Variants in DYSF observed in about 807,000 individuals in gnomAD.
DYSF encodes the protein dysferlin.
In DYSF, 212 loss-of-function variants were observed where a neutral mutation model predicts 274.9. The observed-to-expected ratio is 0.77, with a 90% confidence interval of 0.69 to 0.86. The LOEUF (loss-of-function observed/expected upper bound fraction) is 0.86. Among genes scored for constraint, DYSF ranks in the 40% least tolerant of loss-of-function variants. DYSF has a pLI of 0.00. For missense variants in DYSF, 2,666 were observed against 2,783.2 expected, an observed-to-expected ratio of 0.96 and a Z score of 0.95; for synonymous variants, 1,091 against 1,078.7, an observed-to-expected ratio of 1.01 and a Z score of -0.22.
intron 17 of DYSF, among the ~76,000 whole-genome samples, chr2:71,550,382 G>A (rs2090845518): frequency 1.3e-5 from 2 of 151,772 alleles, no homozygotes; most frequent in African/African-American, 4.9e-5. Context: ...CCTCTGACCT[G>A]CTCTGTTAAA....
At chr2:71,519,811 G>GTTTTTTT (rs70959241) in intron 10 of DYSF, among the ~76,000 whole-genome samples, 148 of 102,296 alleles carry the variant, frequency 1.4e-3, no homozygotes, top group Middle Eastern at 6.4e-3. Context: ...CACCCGGCTA[G>GTTTTTTT]TTTTTTTTTT....
At position 71,660,426 on chromosome 2, in the gene DYSF, C is replaced by A. The variant is rs540102399; in HGVS notation, c.4912-134C>A. The A allele has an allele frequency of 5.5e-5, 42 of 766,412 alleles. No individual in the cohort carries two copies. The African/African-American group carries it at 6.5e-4, about 12-fold the overall frequency. 47.5% of individuals were successfully genotyped at this position (766,412 alleles called of 1,614,324 possible). On this transcript the variant is annotated intron_variant, in intron 44 of 55. Transcript: ENST00000410020. ...TGTGGTGTGTGGGAGGGGGCCCTGT[C>A]TTGGCAGGACACAGCCCACATCTCA...
chr2:71,453,989 C>A (rs939132018), exon 1 of DYSF: 6 of 1,613,976 alleles, frequency 3.7e-6, no homozygotes, highest in Non-Finnish European at 5.1e-6. Context: ...GGGCCCTACA[C>A]GCGCCAAGCA....
chr2:71,559,208 C>A (rs1237669115), intron 22 of DYSF, among the ~76,000 whole-genome samples: 1 of 152,174 alleles, frequency 6.6e-6, no homozygotes, highest in Admixed American at 6.5e-5. Flanking sequence ...ACGTGGATGT[C>A]CCACCAGCAC....
At position 71,658,922 on chromosome 2, in the gene DYSF, C is replaced by T; in HGVS notation, c.4800C>T (p.Pro1600=). The change falls in exon 44 of 56, where the codon CCC becomes CCT. Residue 1600 remains proline, a synonymous_variant. Coordinates refer to ENST00000410020, the MANE Select transcript of DYSF (RefSeq NM_001130987.2). ...IYPLPEDPAI[P]MPPRQFHQLA... ...CCCTCCCAGAAGACCCAGCCATCCC[C>T]ATGCCCCCAAGACAGTTCCACCAGC... The T allele has an allele frequency of 6.2e-7, 1 of 1,614,220 alleles. No individual in the cohort carries two copies. Among genetic ancestry groups the T allele is most frequent in the Non-Finnish European group, 8.5e-7 (1 of 1,180,036 alleles).
chr2:71,597,383 C>T (rs907918001), intron 32 of DYSF, among the ~76,000 whole-genome samples: 1 of 152,130 alleles, frequency 6.6e-6, no homozygotes, highest in African/African-American at 2.4e-5. Flanking sequence ...GAAGGGAGTC[C>T]CCTTCTCCAA....
chr2:71,504,063 C>T (rs1301089980), intron 4 of DYSF, among the ~76,000 whole-genome samples: 1 of 152,158 alleles, frequency 6.6e-6, no homozygotes, highest in African/African-American at 2.4e-5. Context: ...TGCCCCGTGG[C>T]GGGTGTGTGA....
At chr2:71,553,955 T>C in intron 21 of DYSF, 24 bp downstream of exon 21, 1 of 1,614,066 alleles carries the variant, frequency 6.2e-7, no homozygotes, top group Non-Finnish European at 8.5e-7. Flanking sequence ...TGCCCAAAGC[T>C]GCACATGCCT....
exon 1 of DYSF, chr2:71,454,007 G>T: frequency 6.2e-7 from 1 of 1,614,158 alleles, no homozygotes; most frequent in Non-Finnish European, 8.5e-7. Flanking sequence ...GCATGCTGAG[G>T]GTCTTCATCC....
chr2:71,548,391 C>T lies in DYSF; in HGVS notation c.1577-2650C>T, dbSNP rs146405536. The stretch of plus-strand genomic sequence containing the variant: ...GAGGACAGCAACAGGTAAAGGTGAA[C>T]AAGGAAGGGAAGTAATCAGCAAGTT... On this transcript the variant is annotated intron_variant, in intron 17 of 55. Coordinates refer to ENST00000410020, the MANE Select transcript of DYSF (RefSeq NM_001130987.2). Among the ~76,000 whole-genome samples the T allele has an allele frequency of 2.5e-3, 387 of 152,270 alleles. 2 individuals are homozygous for T. Among genetic ancestry groups the T allele is most frequent in the African/African-American group, 8.2e-3 (340 of 41,548 alleles).
intron 12 of DYSF, among the ~76,000 whole-genome samples, chr2:71,524,511 A>C (rs2152746364): frequency 6.6e-6 from 1 of 152,232 alleles, no homozygotes; most frequent in African/African-American, 2.4e-5. Context: ...GCATTCTGGG[A>C]TTGAGGGTTT....
intron 24 of DYSF, among the ~76,000 whole-genome samples, chr2:71,564,905 G>A (rs187540900): frequency 1.6e-4 from 24 of 152,292 alleles, no homozygotes; most frequent in Admixed American, 1.2e-3. Context: ...AGGCTCATGC[G>A]CGGACATAGA....
chr2:71,658,888 A>C lies in DYSF; in HGVS notation c.4766A>C (p.Lys1589Thr). 1 of 1,614,188 alleles carries C rather than the reference A, an allele frequency of 6.2e-7. No homozygotes were observed. Among genetic ancestry groups the C allele is most frequent in the Non-Finnish European group, 8.5e-7 (1 of 1,180,038 alleles). Residue 1589 changes from lysine (K) to threonine (T), a missense_variant, in exon 44 of 56, where the codon AAA becomes ACA. This residue lies in a region of DYSF where 1,460 missense variants were observed against 1,502.1 expected (regional missense o/e 0.97). Transcript: ENST00000410020. ...CTTCCTTCTTTTCAGGGCCTCTTCAAAATTTATCCCCTCCCAGAAGACCCA... is the reference window on the plus strand; with the variant it reads ...CTTCCTTCTTTTCAGGGCCTCTTCACAATTTATCCCCTCCCAGAAGACCCA... ...SVIGEFKGLF[K>T]IYPLPEDPAI...
intron 52 of DYSF, 70 bp from the exon 53 acceptor site, chr2:71,678,987 C>T: frequency 6.8e-7 from 1 of 1,472,450 alleles, no homozygotes; most frequent in Non-Finnish European, 9.5e-7. Context: ...TGAACCTGCC[C>T]TGCCTAAGGG....
At chr2:71,472,783 C>CT (rs2082130960) in intron 1 of DYSF, among the ~76,000 whole-genome samples, 1 of 152,232 alleles carries the variant, frequency 6.6e-6, no homozygotes. Context: ...TACTGAATTA[C>CT]TTTTTCATTT....
intron 17 of DYSF, chr2:71,549,495 G>A: frequency 8.7e-7 from 1 of 1,144,518 alleles, no homozygotes. Flanking sequence ...TGCCTGAGGT[G>A]GGATTGAGAT....
intron 14 of DYSF, among the ~76,000 whole-genome samples, chr2:71,530,701 A>G (rs13404792): frequency 0.072 from 10,878 of 152,020 alleles, 561 homozygotes; most frequent in African/African-American, 0.15. Context: ...TCCTCGGTGG[A>G]CCCCAGGCCT....
chr2:71,569,693 C>T, intron 26 of DYSF, 127 bp from the exon 27 acceptor site: 2 of 778,828 alleles, frequency 2.6e-6, no homozygotes, highest in Admixed American at 2.0e-5. Flanking sequence ...TCCCTCCCCA[C>T]CCCCCATGTC....
At chr2:71,618,918 C>A (rs2094019934) in intron 40 of DYSF, among the ~76,000 whole-genome samples, 1 of 151,450 alleles carries the variant, frequency 6.6e-6, no homozygotes, top group Admixed American at 6.6e-5. Flanking sequence ...GGCTCCCAGG[C>A]TCCCAGGCGC....
Sources: allele counts gnomAD v4.1 joint callset (sites outside exome capture counted in the v4.1 genomes callset), GRCh38; gene constraint gnomAD v4.1.1; regional missense constraint gnomAD v4.1.1; transcripts MANE v1.5; gene names NCBI Gene and HGNC (gene_info 2026-07-23, HGNC 2026-07-21).